HSF1: variants seen among roughly 807,000 people sequenced by gnomAD.
HSF1 encodes the protein heat shock transcription factor 1.
Under a neutral mutation model 51.7 loss-of-function variants are expected in HSF1, and 32 were observed. That is an observed-to-expected ratio of 0.62 (90% CI 0.47 to 0.83). The LOEUF is 0.83. HSF1 is among the 40% of genes least tolerant of loss of function. The probability of loss-of-function intolerance (pLI) is 0.00; values close to 1 mark genes in which losing one functional copy is unlikely to be tolerated. For missense variants in HSF1, 727 were observed against 717.0 expected, an observed-to-expected ratio of 1.01 and a Z score of -0.16; for synonymous variants, 396 against 309.7, an observed-to-expected ratio of 1.28 and a Z score of -2.92.
intron 9 of HSF1, chr8:144,313,144 C>G (rs1588667152): frequency 2.6e-6 from 1 of 386,928 alleles, no homozygotes; most frequent in East Asian, 5.2e-5. Context: ...GAGCCACCCA[C>G]ACACTGAGCA....
chr8:144,296,955 G>A (rs1815510263), intron 1 of HSF1, among the ~76,000 whole-genome samples: 1 of 151,984 alleles, frequency 6.6e-6, no homozygotes, highest in South Asian at 2.1e-4. Flanking sequence ...GAGGGGCCCA[G>A]GGCACAGAAG....
intron 2 of HSF1, 169 bp downstream of exon 2, chr8:144,309,183 G>A: frequency 1.5e-6 from 1 of 676,304 alleles, no homozygotes. Flanking sequence ...CTTCCATGGG[G>A]GAGGGTCCTT....
At chr8:144,292,992 G>A (rs1329140808) in intron 1 of HSF1, among the ~76,000 whole-genome samples, 4 of 152,084 alleles carry the variant, frequency 2.6e-5, no homozygotes, top group Non-Finnish European at 4.4e-5. Flanking sequence ...ACTGATCATT[G>A]GGAGCTTTTG....
intron 1 of HSF1, among the ~76,000 whole-genome samples, chr8:144,295,188 G>A (rs1815374033): frequency 1.3e-5 from 2 of 152,240 alleles, no homozygotes; most frequent in Admixed American, 6.5e-5. Context: ...TTGCTGGGCT[G>A]CAGCTGACTC....
intron 1 of HSF1, among the ~76,000 whole-genome samples, chr8:144,293,043 C>G (rs1815208379): frequency 6.6e-6 from 1 of 152,202 alleles, no homozygotes; most frequent in Non-Finnish European, 1.5e-5. Flanking sequence ...GCATGTGTGG[C>G]CTCCCAGGAG....
intron 1 of HSF1, among the ~76,000 whole-genome samples, chr8:144,294,190 G>A (rs1039232146): frequency 6.6e-5 from 10 of 152,166 alleles, no homozygotes; most frequent in African/African-American, 2.4e-4. Context: ...CTGGAAGGAA[G>A]CCCTTCTCCA....
At chr8:144,313,445 C>T (rs1287842433) in intron 9 of HSF1, 66 bp from the exon 10 acceptor site, 1 of 1,073,832 alleles carries the variant, frequency 9.3e-7, no homozygotes, top group Non-Finnish European at 1.4e-6. Context: ...AGCCCTTCTC[C>T]CACAGGAGGG....
chr8:144,296,591 G>A (rs1815476455), intron 1 of HSF1, among the ~76,000 whole-genome samples: 1 of 152,190 alleles, frequency 6.6e-6, no homozygotes, highest in African/African-American at 2.4e-5. Context: ...GAGATCAGGA[G>A]GTCAGGAGAT....
At position 144,291,659 on chromosome 8, in the gene HSF1, CGGCGG is replaced by C; in HGVS notation, c.-98_-94del. On this transcript the variant is annotated 5_prime_UTR_variant, in exon 1 of 13. An upstream open reading frame in the 5' UTR loses its in-frame stop. Coordinates refer to ENST00000528838, the MANE Select transcript of HSF1 (RefSeq NM_005526.4). This position sits in a 1 kb window ranked among gnomAD's most constrained non-coding sequence, Gnocchi z 4.1. ...CCCGGGGCTGTGTGTGCGCAGCGGG[CGGCGG>C]CGCGGCCCGGAAGGCTGGCGCGGCG... 1 of 638,904 alleles carries C rather than the reference CGGCGG, an allele frequency of 1.6e-6. No individual in the cohort carries two copies. Among genetic ancestry groups the C allele is most frequent in the Non-Finnish European group, 2.4e-6 (1 of 415,316 alleles). The allele number at this position is 638,904 out of a possible 1,614,324, so 39.6% of individuals were successfully genotyped here. A position where few individuals can be genotyped will look rare whatever the true frequency, so the allele number is the denominator to read the frequency against.
chr8:144,305,609 C>T (rs1816158697), intron 1 of HSF1, among the ~76,000 whole-genome samples: 1 of 150,352 alleles, frequency 6.7e-6, no homozygotes, highest in East Asian at 2.0e-4. Context: ...CCGGCTCCTC[C>T]TTCTTATTCC....
intron 1 of HSF1, among the ~76,000 whole-genome samples, chr8:144,293,081 G>T (rs1815210097): frequency 6.6e-6 from 1 of 152,236 alleles, no homozygotes; most frequent in Non-Finnish European, 1.5e-5. Flanking sequence ...TTCAGGCTCT[G>T]CTGAGTGCCT....
chr8:144,312,259 C>A lies in HSF1; in HGVS notation c.1142+15C>A. ...TGCCTGGACAAGTGAGTGCCGCCCACCCCTGGCCCCACCCACAGCGCCTGG... is the reference window on the plus strand; with the variant it reads ...TGCCTGGACAAGTGAGTGCCGCCCAACCCTGGCCCCACCCACAGCGCCTGG... On this transcript the variant is annotated intron_variant, in intron 9 of 12. Transcript: ENST00000528838. 3.2e-6 allele frequency: 5 copies of A among 1,556,828 alleles called. No individual in the cohort carries two copies. The highest frequency in any genetic ancestry group is 4.4e-6 in the Non-Finnish European group (5 of 1,147,834).
intron 1 of HSF1, among the ~76,000 whole-genome samples, chr8:144,301,599 GC>G (rs1218925781): frequency 2.0e-5 from 3 of 152,216 alleles, no homozygotes; most frequent in African/African-American, 7.2e-5. Flanking sequence ...GGGCGCGGTG[GC>G]TCACGCCTGT....
Position 144,312,185 on chromosome 8 carries a change from T to TGCCAACC in HSF1, c.1083_1084insGCCAACC (p.Pro362AlafsTer12). On this transcript the variant is annotated frameshift_variant, in exon 9 of 13. Transcript: ENST00000528838. LOFTEE classifies it high-confidence loss of function. The stretch of plus-strand genomic sequence containing the variant: ...GCCACACGGACACCGAGGGCCGGCC[T>TGCCAACC]CCCTCCCCCCCGCCCACCTCCACCC... 1 of 1,532,948 alleles carries TGCCAACC rather than the reference T, an allele frequency of 6.5e-7. No homozygotes were observed. The highest frequency in any genetic ancestry group is 8.9e-7 in the Non-Finnish European group (1 of 1,117,510). 95.0% of individuals were successfully genotyped at this position (1,532,948 alleles called of 1,614,324 possible). A position where few individuals can be genotyped will look rare whatever the true frequency, so the allele number is the denominator to read the frequency against.
At chr8:144,298,546 A>C (rs113430871) in intron 1 of HSF1, among the ~76,000 whole-genome samples, 4,924 of 151,396 alleles carry the variant, frequency 0.033, 125 homozygotes, top group Non-Finnish European at 0.049. Flanking sequence ...CAGAGGTTGC[A>C]GTGAGCCGAG....
chr8:144,303,561 A>G (rs1554842758), intron 1 of HSF1, among the ~76,000 whole-genome samples: 1 of 151,162 alleles, frequency 6.6e-6, no homozygotes, highest in African/African-American at 2.4e-5. Context: ...TTAACCTAGA[A>G]AGCCTGAACT....
At chr8:144,310,449 G>A (rs1564621049) in intron 4 of HSF1, 1 of 154,632 alleles carries the variant, frequency 6.5e-6, no homozygotes, top group Non-Finnish European at 1.4e-5. Flanking sequence ...TCCACTTTGG[G>A]GCTCCAGGCA....
chr8:144,313,947 C>A (rs782791793), intron 11 of HSF1, 36 bp downstream of exon 11: 22 of 1,610,430 alleles, frequency 1.4e-5, no homozygotes, highest in Middle Eastern at 3.3e-4. Flanking sequence ...GGGAACGAGA[C>A]CAGCGGGAGT....
chr8:144,308,466 T>G lies in HSF1; in HGVS notation c.118-440T>G, dbSNP rs189858754. 5.3e-5 allele frequency among the ~76,000 whole-genome samples: 8 copies of G among 152,372 alleles called. No homozygotes were observed. The East Asian group carries it at 1.5e-3, about 29-fold the overall frequency. On this transcript the variant is annotated intron_variant, in intron 1 of 12. Coordinates refer to ENST00000528838, the MANE Select transcript of HSF1 (RefSeq NM_005526.4). Reference sequence around the variant, plus strand: ...CGGGAGTAATGAAATTAGGGCTCCATTTCCTTCGCTGTTCCCAAGGGAAAG... The same window carrying G: ...CGGGAGTAATGAAATTAGGGCTCCAGTTCCTTCGCTGTTCCCAAGGGAAAG...
Sources: allele counts gnomAD v4.1 joint callset (sites outside exome capture counted in the v4.1 genomes callset), GRCh38; gene constraint gnomAD v4.1.1; non-coding constraint Gnocchi (gnomAD v3.1); transcripts MANE v1.5; gene names NCBI Gene and HGNC (gene_info 2026-07-23, HGNC 2026-07-21).